PPFIA2: variants seen among roughly 807,000 people sequenced by gnomAD.
PPFIA2 encodes liprin-alpha-2.
In PPFIA2, 46 loss-of-function variants were observed where a neutral mutation model predicts 175.5. The observed-to-expected ratio is 0.26, with a 90% CI of 0.21 to 0.34. PPFIA2 has a LOEUF of 0.34. Ranked by LOEUF, PPFIA2 falls within the 10% of genes least tolerant of loss-of-function variation. PPFIA2 has a pLI of 1.00. For synonymous variants in PPFIA2, 568 were observed against 511.4 expected (o/e 1.11, Z -1.49); for missense variants, 1,179 against 1,506.1 (o/e 0.78, Z 3.60).
intron 31 of PPFIA2, among the ~76,000 whole-genome samples, chr12:81,262,831 G>T (rs142833164): frequency 2.6e-5 from 4 of 152,090 alleles, no homozygotes; most frequent in African/African-American, 9.7e-5. Flanking sequence ...TATAAAACTC[G>T]CAGTATTTAA....
At chr12:81,698,512 G>A (rs1379949898) in intron 3 of PPFIA2, among the ~76,000 whole-genome samples, 1 of 152,048 alleles carries the variant, frequency 6.6e-6, no homozygotes. Flanking sequence ...TTATAAATTA[G>A]CCTGTGTTAT....
chr12:81,745,916 A>G (rs966503688), intron 3 of PPFIA2, among the ~76,000 whole-genome samples: 1 of 152,232 alleles, frequency 6.6e-6, no homozygotes, highest in Non-Finnish European at 1.5e-5. Context: ...TTTCTCATAC[A>G]TGGAGTGGTA....
intron 4 of PPFIA2, among the ~76,000 whole-genome samples, chr12:81,461,982 A>C (rs936502934): frequency 2.0e-5 from 3 of 151,874 alleles, no homozygotes; most frequent in African/African-American, 7.2e-5. Flanking sequence ...AGGTCTTAGC[A>C]TAGTTCCTGG....
At chr12:81,541,926 A>G (rs1490542152) in intron 4 of PPFIA2, among the ~76,000 whole-genome samples, 1 of 151,958 alleles carries the variant, frequency 6.6e-6, no homozygotes, top group Non-Finnish European at 1.5e-5. Flanking sequence ...GACTAGAATG[A>G]TTGGTATATT....
intron 3 of PPFIA2, among the ~76,000 whole-genome samples, chr12:81,677,222 T>C (rs2153570720): frequency 6.6e-6 from 1 of 152,022 alleles, no homozygotes; most frequent in South Asian, 2.1e-4. Context: ...TTTTTTTTTA[T>C]TTTTTATGAA....
At chr12:81,323,194 C>A (rs1041123727) in intron 22 of PPFIA2, among the ~76,000 whole-genome samples, 2 of 151,342 alleles carry the variant, frequency 1.3e-5, no homozygotes, top group Non-Finnish European at 2.9e-5. Flanking sequence ...TAAATAGCTG[C>A]TATCCTAGCA....
intron 4 of PPFIA2, among the ~76,000 whole-genome samples, chr12:81,525,076 C>A (rs2063582926): frequency 2.0e-5 from 3 of 152,118 alleles, no homozygotes; most frequent in South Asian, 2.1e-4. Flanking sequence ...TTTCTGCTGT[C>A]TATAAGTTAC....
intron 22 of PPFIA2, among the ~76,000 whole-genome samples, chr12:81,317,146 T>C (rs1422199804): frequency 1.3e-5 from 2 of 151,170 alleles, no homozygotes; most frequent in Non-Finnish European, 3.0e-5. Context: ...ATGCAAAGGA[T>C]GAGGAAAAAA....
At chr12:81,350,635 G>T (rs1022330720) in intron 17 of PPFIA2, 1 of 152,142 alleles carries the variant, frequency 6.6e-6, no homozygotes, top group African/African-American at 2.4e-5. Flanking sequence ...GTGAGGTATT[G>T]TAGACCATAT....
At chr12:81,274,861 G>A (rs207473161) in intron 28 of PPFIA2, among the ~76,000 whole-genome samples, 2 of 152,262 alleles carry the variant, frequency 1.3e-5, no homozygotes, top group African/African-American at 4.8e-5. Flanking sequence ...AGATAGAGTT[G>A]TGTGTGATCA....
At chr12:81,721,494 C>A (rs1261879724) in intron 3 of PPFIA2, among the ~76,000 whole-genome samples, 2 of 150,402 alleles carry the variant, frequency 1.3e-5, no homozygotes, top group Non-Finnish European at 3.0e-5. Context: ...CATATGCATA[C>A]ATCTAGTGGC....
intron 14 of PPFIA2, among the ~76,000 whole-genome samples, chr12:81,363,868 T>C (rs2032033282): frequency 1.3e-5 from 2 of 151,904 alleles, no homozygotes; most frequent in South Asian, 4.1e-4. Context: ...TATTGATTTG[T>C]AAATATCTTT....
chr12:81,393,203 T>TTAA (rs1302276630), intron 8 of PPFIA2, among the ~76,000 whole-genome samples: 1 of 152,042 alleles, frequency 6.6e-6, no homozygotes, highest in Non-Finnish European at 1.5e-5. Context: ...AATAAACATG[T>TTAA]TAATGATTGA....
intron 4 of PPFIA2, among the ~76,000 whole-genome samples, chr12:81,609,107 C>A (rs1329302534): frequency 2.0e-5 from 3 of 150,920 alleles, no homozygotes; most frequent in Non-Finnish European, 4.4e-5. Context: ...TTTTTGCTAT[C>A]AATTTCTATT....
chr12:81,276,335 G>A (rs1020040077), intron 28 of PPFIA2, among the ~76,000 whole-genome samples: 1 of 152,010 alleles, frequency 6.6e-6, no homozygotes, highest in Non-Finnish European at 1.5e-5. Flanking sequence ...CATCATTCAG[G>A]GGATGGGTAC....
chr12:81,708,079 G>A (rs1469918165), intron 3 of PPFIA2, among the ~76,000 whole-genome samples: 2 of 149,770 alleles, frequency 1.3e-5, no homozygotes, highest in African/African-American at 2.5e-5. Context: ...GCTAGATGAC[G>A]AGTTAGTGGG....
intron 7 of PPFIA2, among the ~76,000 whole-genome samples, chr12:81,407,830 C>T (rs1032388929): frequency 2.0e-5 from 3 of 152,166 alleles, no homozygotes; most frequent in Non-Finnish European, 2.9e-5. Context: ...CAATATATCC[C>T]TATTTATTTT....
intron 28 of PPFIA2, among the ~76,000 whole-genome samples, chr12:81,271,549 A>AT (rs2039112825): frequency 6.6e-6 from 1 of 152,196 alleles, no homozygotes; most frequent in South Asian, 2.1e-4. Flanking sequence ...GATTATAGGC[A>AT]TGAGCCACCA....
At chr12:81,596,228 A>G (rs896085604) in intron 4 of PPFIA2, among the ~76,000 whole-genome samples, 1 of 151,948 alleles carries the variant, frequency 6.6e-6, no homozygotes, top group Non-Finnish European at 1.5e-5. Context: ...TTTGGAAAAA[A>G]AAAAGCCAAG....
Sources: allele counts gnomAD v4.1 joint callset (sites outside exome capture counted in the v4.1 genomes callset), GRCh38; gene constraint gnomAD v4.1.1; transcripts MANE v1.5; gene names NCBI Gene and HGNC (gene_info 2026-07-23, HGNC 2026-07-21).